HS6ST3: variants seen among roughly 807,000 people sequenced by gnomAD.
HS6ST3 encodes the protein heparan sulfate 6-O-sulfotransferase 3, also known as heparan-sulfate 6-O-sulfotransferase 3.
In HS6ST3, 12 loss-of-function variants were observed where a neutral mutation model predicts 36.7. The ratio of observed to expected loss-of-function variants is 0.33; its 90% confidence interval spans 0.21 to 0.53. The LOEUF is 0.53. Among genes scored for constraint, HS6ST3 ranks in the 20% least tolerant of loss-of-function variants. The pLI is 0.95. For synonymous variants in HS6ST3, 240 were observed against 257.5 expected, an observed-to-expected ratio of 0.93 and a Z score of 0.65; for missense variants, 584 against 640.9, an observed-to-expected ratio of 0.91 and a Z score of 0.96.
At chr13:96,552,586 G>A (rs1200998231) in intron 1 of HS6ST3, among the ~76,000 whole-genome samples, 1 of 152,112 alleles carries the variant, frequency 6.6e-6, no homozygotes, top group Non-Finnish European at 1.5e-5. Flanking sequence ...AAGTCTTGTG[G>A]GACTGCCAAA....
rs573708826 is a variant in HS6ST3 at position 96,650,311 on chromosome 13, A to G, written c.708-182179A>G. Among the ~76,000 whole-genome samples the G allele has an allele frequency of 2.0e-5, 3 of 152,220 alleles. No homozygotes were observed. The East Asian group carries it at 5.8e-4, about 30-fold the overall frequency. ...GTTCTTTGGTTTATATCAAGAATGAAGAGCTGTGACTGGCACTAGCAGACA... is the reference window on the plus strand; with the variant it reads ...GTTCTTTGGTTTATATCAAGAATGAGGAGCTGTGACTGGCACTAGCAGACA... On this transcript the variant is annotated intron_variant, in intron 1 of 1. Coordinates refer to ENST00000376705, the MANE Select transcript of HS6ST3 (RefSeq NM_153456.4).
chr13:96,341,180 T>C (rs890374781), intron 1 of HS6ST3, among the ~76,000 whole-genome samples: 1 of 152,192 alleles, frequency 6.6e-6, no homozygotes, highest in Non-Finnish European at 1.5e-5. Flanking sequence ...GTATAAAATA[T>C]GAATATTGTT....
At chr13:96,816,351 C>T (rs1423112945) in intron 1 of HS6ST3, among the ~76,000 whole-genome samples, 1 of 152,158 alleles carries the variant, frequency 6.6e-6, no homozygotes, top group Non-Finnish European at 1.5e-5. Flanking sequence ...TCTAAAAGTC[C>T]TAAGCCAAAA....
intron 1 of HS6ST3, among the ~76,000 whole-genome samples, chr13:96,768,775 C>T (rs900204496): frequency 6.6e-6 from 1 of 151,926 alleles, no homozygotes; most frequent in African/African-American, 2.4e-5. Context: ...ATGTTCATGC[C>T]GTTTAGTCTG....
chr13:96,739,476 C>T (rs1221842236), intron 1 of HS6ST3, among the ~76,000 whole-genome samples: 1 of 152,044 alleles, frequency 6.6e-6, no homozygotes. Flanking sequence ...TCACTTTCCC[C>T]CAAAATATCT....
intron 1 of HS6ST3, among the ~76,000 whole-genome samples, chr13:96,827,072 G>A (rs1878664625): frequency 6.6e-6 from 1 of 152,172 alleles, no homozygotes; most frequent in Non-Finnish European, 1.5e-5. Flanking sequence ...CTGTCTGAGG[G>A]ACTGTTCTGG....
rs71213623 is a variant in HS6ST3, at chr13:96,658,268, CTTTTTTTTT to C, written c.708-174200_708-174192del. ...TTCTTCTTCTTCTTCTCTTCTTCTT[CTTTTTTTTT>C]TTTTTTTTTTTTTTTTTTTTTGAGA... On this transcript the variant is annotated intron_variant, in intron 1 of 1. Coordinates refer to ENST00000376705, the MANE Select transcript of HS6ST3 (RefSeq NM_153456.4). 1.2e-3 allele frequency among the ~76,000 whole-genome samples: 89 copies of C among 76,170 alleles called. No individual in the cohort carries two copies. The East Asian group carries it at 0.016, about 14-fold the overall frequency. The allele number at this position is 76,170 out of a possible 152,430, so 50.0% of individuals were successfully genotyped here. A position where few individuals can be genotyped will look rare whatever the true frequency, so the allele number is the denominator to read the frequency against.
intron 1 of HS6ST3, among the ~76,000 whole-genome samples, chr13:96,535,142 A>T (rs2056150179): frequency 6.6e-6 from 1 of 152,132 alleles, no homozygotes; most frequent in South Asian, 2.1e-4. Flanking sequence ...TGTGCCTGGG[A>T]CTGGGGTAGA....
At chr13:96,191,538 C>G (rs1174229313) in intron 1 of HS6ST3, among the ~76,000 whole-genome samples, 2 of 152,186 alleles carry the variant, frequency 1.3e-5, no homozygotes, top group Non-Finnish European at 2.9e-5. Flanking sequence ...TAGTGTTTTT[C>G]TTCCCTAGCA....
At chr13:96,281,489 A>G (rs562594093) in intron 1 of HS6ST3, among the ~76,000 whole-genome samples, 1 of 152,196 alleles carries the variant, frequency 6.6e-6, no homozygotes, top group East Asian at 1.9e-4. Flanking sequence ...GAGAAAGACT[A>G]GTAGTACAGG....
At chr13:96,680,654 G>T (rs1027157724) in intron 1 of HS6ST3, among the ~76,000 whole-genome samples, 1 of 152,196 alleles carries the variant, frequency 6.6e-6, no homozygotes, top group Non-Finnish European at 1.5e-5. Context: ...GGTTATATCT[G>T]CATGGGCTGC....
intron 1 of HS6ST3, among the ~76,000 whole-genome samples, chr13:96,097,259 A>G (rs1284906444): frequency 1.3e-5 from 2 of 152,144 alleles, no homozygotes; most frequent in East Asian, 3.9e-4. Context: ...GCTGCCAACA[A>G]TGTGGATTTG....
At chr13:96,215,427 T>C (rs931849032) in intron 1 of HS6ST3, among the ~76,000 whole-genome samples, 2 of 152,218 alleles carry the variant, frequency 1.3e-5, no homozygotes, top group African/African-American at 4.8e-5. Context: ...ATCCAACCTA[T>C]CATATAAAGA....
intron 1 of HS6ST3, among the ~76,000 whole-genome samples, chr13:96,691,119 C>T (rs1874944897): frequency 6.6e-6 from 1 of 152,042 alleles, no homozygotes; most frequent in African/African-American, 2.4e-5. Context: ...CATTTCACAT[C>T]TCAGCAAAAT....
At chr13:96,687,369 C>T (rs551617246) in intron 1 of HS6ST3, among the ~76,000 whole-genome samples, 48 of 152,052 alleles carry the variant, frequency 3.2e-4, no homozygotes, top group African/African-American at 1.1e-3. Context: ...GCGATTTGGT[C>T]ACAGTTGGCT....
intron 1 of HS6ST3, among the ~76,000 whole-genome samples, chr13:96,735,825 G>A (rs893828773): frequency 2.6e-5 from 4 of 152,148 alleles, no homozygotes; most frequent in Admixed American, 6.6e-5. Flanking sequence ...ACCGTATGCT[G>A]TAGAAAAGGA....
At chr13:96,181,370 A>G (rs1484801308) in intron 1 of HS6ST3, among the ~76,000 whole-genome samples, 1 of 152,334 alleles carries the variant, frequency 6.6e-6, no homozygotes, top group Non-Finnish European at 1.5e-5. Flanking sequence ...TTACATTGAC[A>G]TGTTTTTGCT....
At chr13:96,142,751 A>C (rs1036440124) in intron 1 of HS6ST3, among the ~76,000 whole-genome samples, 1 of 152,188 alleles carries the variant, frequency 6.6e-6, no homozygotes, top group African/African-American at 2.4e-5. Context: ...ATGAATACAC[A>C]TGAATAATTA....
intron 1 of HS6ST3, among the ~76,000 whole-genome samples, chr13:96,470,464 C>T (rs146436097): frequency 8.0e-4 from 122 of 152,246 alleles, no homozygotes; most frequent in African/African-American, 2.9e-3. Flanking sequence ...CCCTTCTGCT[C>T]ATCATCTCCC....
Sources: gnomAD v4.1 joint callset for allele counts (sites outside exome capture counted in the v4.1 genomes callset) on GRCh38, gnomAD v4.1.1 for gene constraint, MANE v1.5 for transcripts, NCBI Gene and HGNC (gene_info 2026-07-23, HGNC 2026-07-21) for gene names.